EPHA6: variants seen among roughly 807,000 people sequenced by gnomAD.
EPHA6 encodes EPH receptor A6, also known as ephrin type-A receptor 6.
Under a neutral mutation model 112.0 loss-of-function variants are expected in EPHA6, and 50 were observed. The ratio of observed to expected loss-of-function variants is 0.45; its 90% CI spans 0.36 to 0.56. The LOEUF (loss-of-function observed/expected upper bound fraction) is 0.56. EPHA6 is among the 20% of genes least tolerant of loss of function. The pLI is 0.00. For missense variants in EPHA6, 1,280 were observed against 1,417.4 expected, an observed-to-expected ratio of 0.90 and a Z score of 1.56; for synonymous variants, 529 against 490.7, an observed-to-expected ratio of 1.08 and a Z score of -1.03.
intron 2 of EPHA6, among the ~76,000 whole-genome samples, chr3:96,940,453 A>T (rs987847825): frequency 6.6e-6 from 1 of 152,028 alleles, no homozygotes; most frequent in Non-Finnish European, 1.5e-5. Flanking sequence ...TTTGCTTGGT[A>T]GATCTTCCTC....
chr3:96,961,235 G>T (rs2041939416), intron 2 of EPHA6, among the ~76,000 whole-genome samples: 1 of 152,218 alleles, frequency 6.6e-6, no homozygotes, highest in Admixed American at 6.5e-5. Flanking sequence ...CCACAGACAG[G>T]TTTTAGGGAA....
At chr3:97,468,478 A>ATATATATT (rs896865980) in intron 7 of EPHA6, among the ~76,000 whole-genome samples, 13 of 151,184 alleles carry the variant, frequency 8.6e-5, no homozygotes, top group Admixed American at 8.6e-4. Flanking sequence ...TTCTAATCTT[A>ATATATATT]TATATATTTT....
intron 3 of EPHA6, among the ~76,000 whole-genome samples, chr3:97,109,731 C>G (rs755636489): frequency 6.6e-6 from 1 of 152,044 alleles, no homozygotes; most frequent in African/African-American, 2.4e-5. Flanking sequence ...TACTGACCAA[C>G]GACAATGTAC....
At chr3:97,275,567 A>C (rs2080044248) in intron 5 of EPHA6, among the ~76,000 whole-genome samples, 1 of 152,164 alleles carries the variant, frequency 6.6e-6, no homozygotes, top group African/African-American at 2.4e-5. Flanking sequence ...TTGGTTGATA[A>C]GGCACAGATC....
rs373882179 is a variant in EPHA6 at position 97,338,035 on chromosome 3, GGA to G, written c.1607-67110_1607-67109del. The stretch of plus-strand genomic sequence containing the variant: ...TGGATATATGAGTTTTGATATCGTT[GGA>G]GAGACTAGAACTGGAGTAGTATGAA... On this transcript the variant is annotated intron_variant, in intron 5 of 17. Coordinates refer to ENST00000389672, the MANE Select transcript of EPHA6 (RefSeq NM_001080448.3). 2.9e-3 allele frequency among the ~76,000 whole-genome samples: 441 copies of G among 152,136 alleles called. 2 individuals carry two copies. The highest frequency in any genetic ancestry group is 9.9e-3 in the African/African-American group (410 of 41,522).
chr3:97,500,421 C>T (rs1193490457), intron 10 of EPHA6, among the ~76,000 whole-genome samples: 2 of 152,036 alleles, frequency 1.3e-5, no homozygotes, highest in Admixed American at 6.6e-5. Context: ...GGGGAGCAGG[C>T]ATGTCACATG....
At position 96,902,397 on chromosome 3, in the gene EPHA6, AACT is replaced by A. The variant is rs757371810; in HGVS notation, c.450+35513_450+35515del. 5.1e-4 allele frequency among the ~76,000 whole-genome samples: 77 copies of A among 152,164 alleles called. 1 individual carries two copies. Among genetic ancestry groups the A allele is most frequent in the Admixed American group, 6.6e-5 (1 of 15,264 alleles). ...TATGTAATTATCACTTACCACTGGA[AACT>A]ACTATTACCTCTTTGGCTGGAGGGG... is the stretch of plus-strand genomic sequence containing the variant. On this transcript the variant is annotated intron_variant, in intron 2 of 17. Transcript: ENST00000389672.
intron 17 of EPHA6, among the ~76,000 whole-genome samples, chr3:97,748,148 T>G (rs1348078475): frequency 6.6e-6 from 1 of 152,080 alleles, no homozygotes; most frequent in Non-Finnish European, 1.5e-5. Context: ...ATATCAAAAA[T>G]CCATGAGAAA....
chr3:97,592,735 C>A lies in EPHA6; in HGVS notation c.2510C>A (p.Ala837Asp). 1 of 1,586,864 alleles carries A rather than the reference C, an allele frequency of 6.3e-7. No homozygotes were observed. The change falls in exon 12 of 18, where the codon GCT becomes GAT. Residue 837 changes from alanine (A) to aspartate (D), a missense_variant and splice_region_variant. By Grantham distance (126) the Ala-to-Asp change is moderately radical. Coordinates refer to ENST00000389672, the MANE Select transcript of EPHA6 (RefSeq NM_001080448.3). ...GGGSLPPRIP[A>D]GRPVMIVVEY... ...GGATCTTTGCCCCCCAGGATTCCTG[C>A]TGGTAGGTATTTCAGGTGAAGTTTT... is the stretch of plus-strand genomic sequence containing the variant.
chr3:96,825,356 T>G (rs991019149), intron 1 of EPHA6, among the ~76,000 whole-genome samples: 3 of 151,762 alleles, frequency 2.0e-5, no homozygotes, highest in African/African-American at 7.2e-5. Context: ...AAATCTAAAT[T>G]TTACTAGATT....
intron 1 of EPHA6, among the ~76,000 whole-genome samples, chr3:96,859,547 A>G (rs2035891361): frequency 1.3e-5 from 2 of 151,934 alleles, no homozygotes. Flanking sequence ...ACACCTGGCT[A>G]ATTTTAATTT....
chr3:96,877,550 G>A (rs1444909415), intron 2 of EPHA6, among the ~76,000 whole-genome samples: 1 of 151,952 alleles, frequency 6.6e-6, no homozygotes, highest in African/African-American at 2.4e-5. Flanking sequence ...ATAAAAAATA[G>A]AACATATGGA....
intron 3 of EPHA6, among the ~76,000 whole-genome samples, chr3:97,220,885 A>C (rs907326102): frequency 6.6e-6 from 1 of 152,246 alleles, no homozygotes; most frequent in African/African-American, 2.4e-5. Flanking sequence ...TGTAACTTGC[A>C]GAAACTGTGG....
intron 5 of EPHA6, among the ~76,000 whole-genome samples, chr3:97,277,851 GA>G (rs2080147069): frequency 6.6e-6 from 1 of 152,116 alleles, no homozygotes; most frequent in Non-Finnish European, 1.5e-5. Context: ...GAAGGCCTAG[GA>G]CATGATTGCA....
chr3:96,836,353 T>G (rs192411524), intron 1 of EPHA6, among the ~76,000 whole-genome samples: 2 of 152,102 alleles, frequency 1.3e-5, no homozygotes. Flanking sequence ...CTAACACTGG[T>G]CTTTTTGTGG....
intron 11 of EPHA6, among the ~76,000 whole-genome samples, chr3:97,549,140 T>C (rs2092996558): frequency 6.6e-6 from 1 of 152,232 alleles, no homozygotes; most frequent in Non-Finnish European, 1.5e-5. Context: ...TTATCATTAA[T>C]TTCAGAGTGT....
chr3:97,351,458 A>G (rs2083811746), intron 5 of EPHA6, among the ~76,000 whole-genome samples: 1 of 152,210 alleles, frequency 6.6e-6, no homozygotes, highest in South Asian at 2.1e-4. Context: ...TCCCAGAAGG[A>G]TATATTTCAA....
At chr3:97,089,810 C>T (rs919699280) in intron 3 of EPHA6, among the ~76,000 whole-genome samples, 1 of 152,006 alleles carries the variant, frequency 6.6e-6, no homozygotes, top group Non-Finnish European at 1.5e-5. Context: ...AAACTCTAAC[C>T]ATTTTGAAAG....
chr3:96,915,505 T>C (rs2039438976), intron 2 of EPHA6, among the ~76,000 whole-genome samples: 1 of 152,102 alleles, frequency 6.6e-6, no homozygotes, highest in African/African-American at 2.4e-5. Context: ...ATTTTACCTA[T>C]ATTTTCAAAT....
Sources: gnomAD v4.1 joint callset for allele counts (sites outside exome capture counted in the v4.1 genomes callset) on GRCh38, gnomAD v4.1.1 for gene constraint, MANE v1.5 for transcripts, NCBI Gene and HGNC (gene_info 2026-07-23, HGNC 2026-07-21) for gene names.